Variants in SHCBP1L observed in about 807,000 individuals in gnomAD.
SHCBP1L encodes testicular spindle-associated protein SHCBP1L.
SHCBP1L carries 67 observed loss-of-function variants against 62.5 expected under a neutral mutation model. The observed-to-expected ratio is 1.07, with a 90% CI of 0.88 to 1.31. SHCBP1L has a LOEUF of 1.31. Ranked by LOEUF, SHCBP1L falls within the 40% of genes most tolerant of loss-of-function variation. The pLI, the probability that SHCBP1L is intolerant of heterozygous loss-of-function variation, is 0.00. For synonymous variants in SHCBP1L, 284 were observed against 289.4 expected, an observed-to-expected ratio of 0.98 and a Z score of 0.19; for missense variants, 823 against 809.8, an observed-to-expected ratio of 1.02 and a Z score of -0.20.
At chr1:182,902,036 T>A (rs936136182) in intron 9 of SHCBP1L, among the ~76,000 whole-genome samples, 1 of 151,810 alleles carries the variant, frequency 6.6e-6, no homozygotes, top group Non-Finnish European at 1.5e-5. Context: ...TTGTACCTTC[T>A]TTTCTTTTTT....
At chr1:182,935,438 T>G (rs942046560) in intron 5 of SHCBP1L, among the ~76,000 whole-genome samples, 4 of 152,182 alleles carry the variant, frequency 2.6e-5, no homozygotes, top group Admixed American at 2.6e-4. Flanking sequence ...TTTTTAAAAT[T>G]TAAAATAAAT....
intron 5 of SHCBP1L, among the ~76,000 whole-genome samples, chr1:182,931,363 T>G (rs1207842670): frequency 6.6e-6 from 1 of 152,154 alleles, no homozygotes; most frequent in East Asian, 1.9e-4. Context: ...CAAAGGTATA[T>G]ATAGGTGTTT....
At position 182,942,315 on chromosome 1, in the gene SHCBP1L, C is replaced by T. The variant is rs1015575175; in HGVS notation, c.556-1772G>A. 1.1e-5 allele frequency: 10 copies of T among 878,302 alleles called. No homozygotes were observed. The African/African-American group carries it at 1.6e-4, about 14-fold the overall frequency. 54.4% of individuals were successfully genotyped at this position (878,302 alleles called of 1,614,324 possible). A position where few individuals can be genotyped will look rare whatever the true frequency, so the allele number is the denominator to read the frequency against. On this transcript the variant is annotated intron_variant, in intron 2 of 9. Transcript: ENST00000367547. The stretch of plus-strand genomic sequence containing the variant: ...TTTTTCGGCTTCGCTTCCACTGTTG[C>T]AGGAGGCTTAGCTGACAACCGCCCC...
At chr1:182,919,374 C>A (rs1040375881) in intron 6 of SHCBP1L, among the ~76,000 whole-genome samples, 1 of 152,120 alleles carries the variant, frequency 6.6e-6, no homozygotes, top group Non-Finnish European at 1.5e-5. Context: ...CTTCACATGG[C>A]AGAAGAACAA....
intron 5 of SHCBP1L, among the ~76,000 whole-genome samples, chr1:182,936,139 T>TTTTTTTTTTTTTTTTTG (rs1651163184): frequency 7.1e-6 from 1 of 139,974 alleles, no homozygotes; most frequent in Non-Finnish European, 1.6e-5. Flanking sequence ...TGTTTTTTTT[T>TTTTTTTTTTTTTTTTTG]TTTTTTTTTT....
intron 2 of SHCBP1L, among the ~76,000 whole-genome samples, chr1:182,943,729 TG>T (rs1339116469): frequency 2.7e-5 from 4 of 149,822 alleles, no homozygotes; most frequent in Non-Finnish European, 1.5e-5. Context: ...ATTACAGGCG[TG>T]AGCCACTGCA....
intron 6 of SHCBP1L, among the ~76,000 whole-genome samples, chr1:182,913,569 C>T (rs1056410470): frequency 5.3e-5 from 8 of 152,054 alleles, no homozygotes; most frequent in Admixed American, 2.0e-4. Context: ...ACGTAATGGC[C>T]GAAAACATCC....
At chr1:182,937,001 C>T (rs1558001749) in intron 5 of SHCBP1L, among the ~76,000 whole-genome samples, 1 of 151,984 alleles carries the variant, frequency 6.6e-6, no homozygotes, top group Non-Finnish European at 1.5e-5. Flanking sequence ...CTGCAGTGAG[C>T]CATGATCACG....
Position 182,939,461 on chromosome 1 carries a change from A to G in SHCBP1L, c.857+6T>C. 1 of 1,601,986 alleles carries G rather than the reference A, an allele frequency of 6.2e-7. No homozygotes were observed. Among genetic ancestry groups the G allele is most frequent in the Non-Finnish European group, 8.5e-7 (1 of 1,174,232 alleles). On this transcript the variant is annotated splice_donor_region_variant and intron_variant, in intron 4 of 9. Coordinates refer to ENST00000367547, the MANE Select transcript of SHCBP1L (RefSeq NM_030933.4). ...TGTGCGGTATAAGTTTATAAACTAT[A>G]CTTACAAATTAATTCTTTCTTCAAT...
intron 6 of SHCBP1L, 144 bp downstream of exon 6, chr1:182,929,503 C>T (rs993881861): frequency 1.0e-5 from 5 of 494,190 alleles, no homozygotes; most frequent in Admixed American, 4.1e-5. Context: ...TATTTAGTAT[C>T]TATTATATGG....
At chr1:182,921,493 A>G (rs906819855) in intron 6 of SHCBP1L, among the ~76,000 whole-genome samples, 4 of 152,244 alleles carry the variant, frequency 2.6e-5, no homozygotes, top group Non-Finnish European at 5.9e-5. Flanking sequence ...TTTTGACAGG[A>G]TCAAATCTGC....
At position 182,953,156 on chromosome 1, in the gene SHCBP1L, A is replaced by C; in HGVS notation, c.-23T>G. The C allele has an allele frequency of 6.4e-7, 1 of 1,571,710 alleles. No homozygotes were observed. ...CATCTCCTCAGCAGCCCGAGGGCCG[A>C]GGCAGCCGTTGGCCACTTTTCCCGC... On this transcript the variant is annotated 5_prime_UTR_variant, in exon 1 of 10. Coordinates refer to ENST00000367547, the MANE Select transcript of SHCBP1L (RefSeq NM_030933.4).
chr1:182,943,538 C>T (rs1337515605), intron 2 of SHCBP1L, among the ~76,000 whole-genome samples: 1 of 151,570 alleles, frequency 6.6e-6, no homozygotes, highest in Non-Finnish European at 1.5e-5. Flanking sequence ...CCTCTGCCTC[C>T]CAGGTTCAAG....
chr1:182,934,848 T>C (rs1407280108), intron 5 of SHCBP1L, among the ~76,000 whole-genome samples: 2 of 152,150 alleles, frequency 1.3e-5, no homozygotes, highest in East Asian at 3.8e-4. Flanking sequence ...TTGTGAAAGG[T>C]CTGTATCTAG....
intron 5 of SHCBP1L, among the ~76,000 whole-genome samples, chr1:182,936,608 C>G (rs180943448): frequency 6.6e-6 from 1 of 152,184 alleles, no homozygotes; most frequent in South Asian, 2.1e-4. Context: ...ACATGTCATG[C>G]AGATACCATA....
intron 6 of SHCBP1L, among the ~76,000 whole-genome samples, chr1:182,913,864 C>A (rs186928853): frequency 3.2e-4 from 49 of 152,264 alleles, no homozygotes; most frequent in African/African-American, 1.2e-3. Flanking sequence ...GCCTGTGATA[C>A]CAGCTACTGG....
intron 6 of SHCBP1L, among the ~76,000 whole-genome samples, chr1:182,925,049 AAAGGGAAGG>A (rs1386090518): frequency 6.8e-5 from 8 of 117,802 alleles, no homozygotes; most frequent in East Asian, 2.7e-4. Flanking sequence ...GGAAGGGAAG[AAAGGGAAGG>A]AAGGGAAGGA....
Position 182,920,187 on chromosome 1 carries a change from C to T in SHCBP1L, c.1182+9460G>A, listed in dbSNP as rs184244323. On this transcript the variant is annotated intron_variant, in intron 6 of 9. Transcript: ENST00000367547. ...CTCACCATCGAAGTGTTGTTACCAG[C>T]AGACTGTGAACACCTCAGCCCCTCC... Among the ~76,000 whole-genome samples, 4 of 152,278 alleles carry T rather than the reference C, an allele frequency of 2.6e-5. No individual in the cohort carries two copies. In the East Asian group the frequency reaches 7.7e-4, roughly 29 times the overall value.
At chr1:182,940,846 G>C (rs1184949227) in intron 2 of SHCBP1L, among the ~76,000 whole-genome samples, 1 of 151,826 alleles carries the variant, frequency 6.6e-6, no homozygotes, top group Non-Finnish European at 1.5e-5. Context: ...GTGTGTGTGT[G>C]ACACACACAC....
Sources: allele counts gnomAD v4.1 joint callset (sites outside exome capture counted in the v4.1 genomes callset), GRCh38; gene constraint gnomAD v4.1.1; transcripts MANE v1.5; gene names NCBI Gene and HGNC (gene_info 2026-07-23, HGNC 2026-07-21).